Variants in KHDC1 observed in about 807,000 individuals in gnomAD.
KHDC1 encodes KH homology domain-containing protein 1.
Under a neutral mutation model 24.7 loss-of-function variants are expected in KHDC1, and 21 were observed. That is an observed-to-expected ratio of 0.85 (90% confidence interval 0.60 to 1.23). The LOEUF (loss-of-function observed/expected upper bound fraction) is 1.23. Ranked by LOEUF, KHDC1 falls within the 50% of genes most tolerant of loss-of-function variation. KHDC1 has a pLI of 0.00. For synonymous variants in KHDC1, 98 were observed against 111.7 expected, an observed-to-expected ratio of 0.88 and a Z score of 0.77; for missense variants, 274 against 298.5, an observed-to-expected ratio of 0.92 and a Z score of 0.61.
chr6:73,263,171 C>T, intron 2 of KHDC1: 1 of 986,890 alleles, frequency 1.0e-6, no homozygotes, highest in Non-Finnish European at 1.2e-6. Context: ...GCGCCGCGGC[C>T]GCGCGAGGCG....
chr6:73,273,419 C>G (rs186802973), intron 2 of KHDC1, among the ~76,000 whole-genome samples: 8,437 of 152,198 alleles, frequency 0.055, 273 homozygotes, highest in African/African-American at 0.09. Flanking sequence ...CCCCCCGCCT[C>G]GGCCTCCCAA....
rs544476875 is a variant in KHDC1, at chr6:73,263,039, GGGCGGCGGCGGCGGC to G, written c.207-20524_207-20510del. On this transcript the variant is annotated intron_variant, in intron 2 of 4. Coordinates refer to ENST00000370384, the Ensembl canonical transcript of KHDC1. ...GCAGGCCTGGGCCACTCCCTGAGTA[GGGCGGCGGCGGCGGC>G]GGCGGCGGCGGCGGCAGCGGCGGCA... The G allele has an allele frequency of 2.2e-5, 21 of 965,696 alleles. No homozygotes were observed. The African/African-American group carries it at 2.6e-4, about 12-fold the overall frequency. 59.8% of individuals were successfully genotyped at this position (965,696 alleles called of 1,614,324 possible).
intron 2 of KHDC1, among the ~76,000 whole-genome samples, chr6:73,245,297 T>C (rs947816145): frequency 4.6e-5 from 7 of 152,220 alleles, no homozygotes; most frequent in South Asian, 4.1e-4. Context: ...AGTGAATTCC[T>C]TTCCATTGAG....
intron 1 of KHDC1, among the ~76,000 whole-genome samples, chr6:73,306,405 C>T (rs923767972): frequency 6.6e-6 from 1 of 152,144 alleles, no homozygotes; most frequent in African/African-American, 2.4e-5. Flanking sequence ...AAAAATTACC[C>T]AGGTTTTCCC....
chr6:73,272,219 A>G (rs1767191935), intron 2 of KHDC1, among the ~76,000 whole-genome samples: 1 of 151,570 alleles, frequency 6.6e-6, no homozygotes, highest in African/African-American at 2.4e-5. Flanking sequence ...GCTGGAGTGC[A>G]GTGGAGCGAT....
chr6:73,280,582 A>C (rs1212240034), intron 2 of KHDC1, among the ~76,000 whole-genome samples: 1 of 141,126 alleles, frequency 7.1e-6, no homozygotes, highest in Non-Finnish European at 1.5e-5. Context: ...GTACAATGGC[A>C]TAATCTCGGC....
intron 2 of KHDC1, chr6:73,269,125 C>G (rs1767135627): frequency 6.5e-6 from 1 of 153,424 alleles, no homozygotes; most frequent in Admixed American, 6.5e-5. Context: ...GGTGCTAAGC[C>G]CCTCATTGCC....
chr6:73,255,520 CTT>C (rs753024090), intron 2 of KHDC1, among the ~76,000 whole-genome samples: 8 of 131,704 alleles, frequency 6.1e-5, no homozygotes, highest in Admixed American at 7.7e-5. Context: ...CCACACCTGG[CTT>C]TTTTTTTTTT....
At chr6:73,295,945 C>T (rs566066888) in intron 1 of KHDC1, among the ~76,000 whole-genome samples, 18 of 146,498 alleles carry the variant, frequency 1.2e-4, no homozygotes, top group Non-Finnish European at 1.9e-4. Flanking sequence ...AGTTCAAGAC[C>T]AGCCTGCCCA....
intron 2 of KHDC1, among the ~76,000 whole-genome samples, chr6:73,250,726 C>G (rs1046194981): frequency 2.0e-5 from 3 of 152,180 alleles, no homozygotes; most frequent in African/African-American, 7.2e-5. Flanking sequence ...CAAGGAGGGA[C>G]AATGAACTGT....
chr6:73,294,091 C>G (rs1767716175), intron 1 of KHDC1, among the ~76,000 whole-genome samples: 1 of 151,582 alleles, frequency 6.6e-6, no homozygotes, highest in South Asian at 2.1e-4. Flanking sequence ...TCAAGGTTGC[C>G]TGGGCAACAG....
chr6:73,281,849 G>T (rs1356885994), intron 2 of KHDC1, among the ~76,000 whole-genome samples: 1 of 152,134 alleles, frequency 6.6e-6, no homozygotes, highest in Non-Finnish European at 1.5e-5. Flanking sequence ...CCTCTTGGCT[G>T]TGGTAGATTC....
intron 2 of KHDC1, chr6:73,291,196 C>T (rs1767644835): frequency 2.1e-6 from 1 of 471,714 alleles, no homozygotes; most frequent in Non-Finnish European, 4.2e-6. Context: ...CTTAGCCTAC[C>T]ATGAATGACT....
chr6:73,291,804 C>G (rs1219043498), intron 2 of KHDC1, among the ~76,000 whole-genome samples: 3 of 151,964 alleles, frequency 2.0e-5, no homozygotes, highest in Non-Finnish European at 4.4e-5. Context: ...AAACATTGTA[C>G]CTATTGGATA....
intron 2 of KHDC1, among the ~76,000 whole-genome samples, chr6:73,245,814 AAC>A (rs1301316019): frequency 1.3e-5 from 2 of 152,170 alleles, no homozygotes; most frequent in Admixed American, 6.6e-5. Flanking sequence ...AGTCCAGAAT[AAC>A]AGTCGGGCAA....
At chr6:73,260,761 G>A (rs1582560109) in intron 2 of KHDC1, among the ~76,000 whole-genome samples, 1 of 152,184 alleles carries the variant, frequency 6.6e-6, no homozygotes, top group East Asian at 1.9e-4. Flanking sequence ...GCCAGTGTGG[G>A]AGAAAATGGA....
intron 1 of KHDC1, among the ~76,000 whole-genome samples, chr6:73,301,626 GT>G (rs1023557840): frequency 5.3e-5 from 8 of 151,992 alleles, no homozygotes; most frequent in Non-Finnish European, 1.2e-4. Context: ...GTTTCTTAGG[GT>G]TTTTTAAATT....
chr6:73,258,374 T>C (rs1430657940), intron 2 of KHDC1, among the ~76,000 whole-genome samples: 1 of 152,184 alleles, frequency 6.6e-6, no homozygotes, highest in Non-Finnish European at 1.5e-5. Context: ...GCCTGGGAAG[T>C]TGAGGCTGCA....
At chr6:73,304,090 A>C (rs1444552194) in intron 1 of KHDC1, among the ~76,000 whole-genome samples, 1 of 152,098 alleles carries the variant, frequency 6.6e-6, no homozygotes, top group Non-Finnish European at 1.5e-5. Flanking sequence ...GATGCATGAC[A>C]ATCGCTTGAA....
Sources: allele counts gnomAD v4.1 joint callset (sites outside exome capture counted in the v4.1 genomes callset), GRCh38; gene constraint gnomAD v4.1.1; transcripts MANE v1.5; gene names NCBI Gene and HGNC (gene_info 2026-07-23, HGNC 2026-07-21).